Variants in ST6GALNAC3 observed in about 807,000 individuals in gnomAD.
The protein encoded by ST6GALNAC3 is alpha-N-acetylgalactosaminide alpha-2,6-sialyltransferase 3.
A neutral mutation model predicts 32.7 loss-of-function variants in ST6GALNAC3; 25 were observed. That is an observed-to-expected ratio of 0.76 (90% CI 0.56 to 1.07). ST6GALNAC3 has a LOEUF of 1.07. ST6GALNAC3 is among the 50% of genes least tolerant of loss of function. The pLI, the probability that ST6GALNAC3 is intolerant of heterozygous loss-of-function variation, is 0.00. For synonymous variants in ST6GALNAC3, 129 were observed against 133.1 expected (o/e 0.97, Z 0.21); for missense variants, 355 against 382.4 (o/e 0.93, Z 0.60).
chr1:76,423,475 G>A (rs1163878537), intron 3 of ST6GALNAC3, among the ~76,000 whole-genome samples: 2 of 151,864 alleles, frequency 1.3e-5, no homozygotes, highest in Non-Finnish European at 2.9e-5. Context: ...TTAATGAGAA[G>A]CATTGAAAAA....
chr1:76,243,395 C>T (rs1262275506), intron 1 of ST6GALNAC3, among the ~76,000 whole-genome samples: 2 of 152,116 alleles, frequency 1.3e-5, no homozygotes, highest in African/African-American at 2.4e-5. Context: ...TTCTCCCATT[C>T]TGTATGTTGC....
intron 1 of ST6GALNAC3, among the ~76,000 whole-genome samples, chr1:76,311,455 G>A (rs1041121452): frequency 3.9e-5 from 6 of 151,934 alleles, no homozygotes; most frequent in African/African-American, 7.3e-5. Flanking sequence ...GACAGGACCC[G>A]GTGTGTGATG....
chr1:76,241,632 G>C (rs1268744075), intron 1 of ST6GALNAC3, among the ~76,000 whole-genome samples: 1 of 152,100 alleles, frequency 6.6e-6, no homozygotes, highest in Non-Finnish European at 1.5e-5. Flanking sequence ...AACTATAGCA[G>C]TACCTGAAAT....
At chr1:76,569,818 T>G (rs1469540363) in intron 3 of ST6GALNAC3, among the ~76,000 whole-genome samples, 1 of 152,134 alleles carries the variant, frequency 6.6e-6, no homozygotes, top group Non-Finnish European at 1.5e-5. Context: ...ACTGAGTCAT[T>G]TTGATTAGAC....
At chr1:76,271,646 C>A (rs1205193514) in intron 1 of ST6GALNAC3, among the ~76,000 whole-genome samples, 1 of 152,118 alleles carries the variant, frequency 6.6e-6, no homozygotes, top group Non-Finnish European at 1.5e-5. Context: ...CTGTTTAAAC[C>A]AGGGAAGTCA....
At chr1:76,178,979 C>A (rs577779889) in intron 1 of ST6GALNAC3, among the ~76,000 whole-genome samples, 3 of 150,794 alleles carry the variant, frequency 2.0e-5, no homozygotes, top group African/African-American at 7.2e-5. Context: ...GGTTTGCCCC[C>A]GGAACTATTG....
At chr1:76,464,184 G>C (rs1417585694) in intron 3 of ST6GALNAC3, among the ~76,000 whole-genome samples, 1 of 151,848 alleles carries the variant, frequency 6.6e-6, no homozygotes, top group Non-Finnish European at 1.5e-5. Flanking sequence ...TTTCCTTTAG[G>C]TCCTTTCAGT....
chr1:76,323,436 A>T (rs897015003), intron 2 of ST6GALNAC3, among the ~76,000 whole-genome samples: 1 of 152,160 alleles, frequency 6.6e-6, no homozygotes, highest in Non-Finnish European at 1.5e-5. Context: ...TATTGATTCT[A>T]TGCTAGTGTC....
intron 3 of ST6GALNAC3, among the ~76,000 whole-genome samples, chr1:76,626,815 C>G (rs1230363414): frequency 6.6e-6 from 1 of 151,832 alleles, no homozygotes; most frequent in African/African-American, 2.4e-5. Flanking sequence ...TTGTTGTATC[C>G]CCAGCCTCCA....
intron 1 of ST6GALNAC3, among the ~76,000 whole-genome samples, chr1:76,249,499 C>A (rs1490877183): frequency 6.6e-6 from 1 of 152,000 alleles, no homozygotes; most frequent in Non-Finnish European, 1.5e-5. Flanking sequence ...ATATTCCATT[C>A]TATAAAGTTA....
chr1:76,327,524 TG>T (rs1177787528), intron 2 of ST6GALNAC3, among the ~76,000 whole-genome samples: 1 of 152,220 alleles, frequency 6.6e-6, no homozygotes, highest in Non-Finnish European at 1.5e-5. Flanking sequence ...ATCCAGTTTA[TG>T]AAGGATAATC....
At chr1:76,265,909 T>A (rs1393334707) in intron 1 of ST6GALNAC3, among the ~76,000 whole-genome samples, 1 of 152,166 alleles carries the variant, frequency 6.6e-6, no homozygotes, top group Non-Finnish European at 1.5e-5. Context: ...TTTTGGTGCA[T>A]AGGACTGGTT....
chr1:76,246,329 A>G (rs1657254758), intron 1 of ST6GALNAC3, among the ~76,000 whole-genome samples: 1 of 151,990 alleles, frequency 6.6e-6, no homozygotes, highest in Non-Finnish European at 1.5e-5. Flanking sequence ...GGTCTTCTGG[A>G]TACAGCACAC....
chr1:76,560,777 G>A (rs442595), intron 3 of ST6GALNAC3, among the ~76,000 whole-genome samples: 8,436 of 152,184 alleles, frequency 0.055, 818 homozygotes, highest in African/African-American at 0.19. Context: ...CAGTTTGAAC[G>A]TTCCTTGAAA....
chr1:76,152,966 A>G (rs2100337693), intron 1 of ST6GALNAC3, among the ~76,000 whole-genome samples: 1 of 152,290 alleles, frequency 6.6e-6, no homozygotes, highest in South Asian at 2.1e-4. Context: ...TCCTATTGGA[A>G]AATGTTGTGC....
intron 3 of ST6GALNAC3, among the ~76,000 whole-genome samples, chr1:76,463,101 T>C (rs1355367901): frequency 6.6e-6 from 1 of 152,172 alleles, no homozygotes; most frequent in Non-Finnish European, 1.5e-5. Context: ...ATTTTAATGA[T>C]GTTAAAGTAT....
chr1:76,455,130 A>T (rs567287890), intron 3 of ST6GALNAC3, among the ~76,000 whole-genome samples: 4 of 151,624 alleles, frequency 2.6e-5, no homozygotes, highest in Non-Finnish European at 5.9e-5. Flanking sequence ...CTACTTTTGC[A>T]TTTTCAGATT....
At chr1:76,166,485 C>T (rs114927559) in intron 1 of ST6GALNAC3, among the ~76,000 whole-genome samples, 1,659 of 152,138 alleles carry the variant, frequency 0.011, 29 homozygotes, top group East Asian at 0.044. Context: ...TATTTGGGCT[C>T]ATTTTTTGCT....
At chr1:76,339,976 T>C (rs1327702920) in intron 2 of ST6GALNAC3, among the ~76,000 whole-genome samples, 1 of 152,182 alleles carries the variant, frequency 6.6e-6, no homozygotes, top group East Asian at 1.9e-4. Flanking sequence ...ATATTTTTAA[T>C]AGAGGAAATG....
Sources: gnomAD v4.1 joint callset for allele counts (sites outside exome capture counted in the v4.1 genomes callset) on GRCh38, gnomAD v4.1.1 for gene constraint, MANE v1.5 for transcripts, NCBI Gene and HGNC (gene_info 2026-07-23, HGNC 2026-07-21) for gene names.